Variants in GBE1 observed in about 807,000 individuals in gnomAD.
GBE1 encodes the protein 1,4-alpha-glucan branching enzyme 1.
In GBE1, 70 loss-of-function variants were observed where a neutral mutation model predicts 88.8. That is an observed-to-expected ratio of 0.79 (90% CI 0.65 to 0.96). The LOEUF is 0.96. GBE1 is among the 40% of genes least tolerant of loss of function. The probability of loss-of-function intolerance (pLI) is 0.00; values close to 1 mark genes in which losing one functional copy is unlikely to be tolerated. For missense variants in GBE1, 872 were observed against 871.0 expected, an observed-to-expected ratio of 1.00 and a Z score of -0.01; for synonymous variants, 284 against 300.1, an observed-to-expected ratio of 0.95 and a Z score of 0.56.
chr3:81,547,650 T>TCTCTCC (rs1703224936), intron 12 of GBE1, among the ~76,000 whole-genome samples: 1 of 150,394 alleles, frequency 6.6e-6, no homozygotes, highest in Non-Finnish European at 1.5e-5. Flanking sequence ...TCTCTCTCTC[T>TCTCTCC]CTCTCTCTCT....
intron 7 of GBE1, among the ~76,000 whole-genome samples, chr3:81,611,532 A>T (rs1704182788): frequency 1.3e-5 from 2 of 152,166 alleles, no homozygotes. Context: ...TGGTAGACAG[A>T]TTCTAAACTC....
intron 14 of GBE1, among the ~76,000 whole-genome samples, chr3:81,521,908 T>G (rs1702879174): frequency 6.6e-6 from 1 of 151,568 alleles, no homozygotes; most frequent in Non-Finnish European, 1.5e-5. Context: ...AAGGAAAATG[T>G]GATGGCTGCC....
chr3:81,552,593 G>A (rs553193223), intron 12 of GBE1, among the ~76,000 whole-genome samples: 6 of 147,454 alleles, frequency 4.1e-5, no homozygotes, highest in African/African-American at 1.5e-4. Flanking sequence ...CATCAGCAAT[G>A]TCCATAAGTG....
intron 1 of GBE1, among the ~76,000 whole-genome samples, chr3:81,736,288 T>C (rs1321692065): frequency 2.6e-5 from 4 of 152,198 alleles, no homozygotes; most frequent in African/African-American, 9.6e-5. Flanking sequence ...CCTGCACAGC[T>C]AGAAACGTTA....
Position 81,594,010 on chromosome 3 carries a change from T to A in GBE1, c.1006A>T (p.Arg336Ter). Residue 336 changes from arginine (R) to a stop codon, truncating the protein, a stop_gained, in exon 8 of 16, where the codon AGA becomes TGA. Transcript: ENST00000429644. LOFTEE classifies it high-confidence loss of function. ...CATCTTATGTTTGACAGAAGGAATC[T>A]TAAAATTTCCCAGCTAAAATATAAG... The part of the protein sequence containing the change: ...LFAYSSWEIL[R>*]FLLSNIRWWL... The A allele has an allele frequency of 2.6e-6, 4 of 1,522,674 alleles. No individual in the cohort carries two copies. Among genetic ancestry groups the A allele is most frequent in the Non-Finnish European group, 3.6e-6 (4 of 1,112,310 alleles). The allele number at this position is 1,522,674 out of a possible 1,614,324, so 94.3% of individuals were successfully genotyped here.
At position 81,593,906 on chromosome 3, in the gene GBE1, A is replaced by G. The variant is rs1183285612; in HGVS notation, c.1108+2T>C. 6.7e-7 allele frequency: 1 copy of G among 1,487,560 alleles called. No individual in the cohort carries two copies. The allele number at this position is 1,487,560 out of a possible 1,614,324, so 92.1% of individuals were successfully genotyped here. A position where few individuals can be genotyped will look rare whatever the true frequency, so the allele number is the denominator to read the frequency against. ...CAAACCTGATTATATCAGGTTACCT[A>G]CCCACTCCATGGTGATGATAAAGCA... On this transcript the variant is annotated splice_donor_variant, in intron 8 of 15. Transcript: ENST00000429644. LOFTEE classifies it high-confidence loss of function.
At chr3:81,616,855 C>A (rs1427061641) in intron 7 of GBE1, among the ~76,000 whole-genome samples, 1 of 151,820 alleles carries the variant, frequency 6.6e-6, no homozygotes, top group Non-Finnish European at 1.5e-5. Context: ...TTTAAATTTT[C>A]TTTTTTCATC....
intron 12 of GBE1, among the ~76,000 whole-genome samples, chr3:81,565,337 C>A (rs948570737): frequency 2.6e-5 from 4 of 152,156 alleles, no homozygotes; most frequent in African/African-American, 9.7e-5. Flanking sequence ...TTTTGTCTTT[C>A]TATAACTGCC....
At chr3:81,512,768 G>T (rs1257284879) in intron 14 of GBE1, among the ~76,000 whole-genome samples, 1 of 151,840 alleles carries the variant, frequency 6.6e-6, no homozygotes, top group Non-Finnish European at 1.5e-5. Flanking sequence ...CACTGGAGAT[G>T]ATGTGAGGAT....
chr3:81,696,618 G>A (rs537695380), intron 2 of GBE1, among the ~76,000 whole-genome samples: 2 of 152,172 alleles, frequency 1.3e-5, no homozygotes, highest in East Asian at 1.9e-4. Context: ...AGTAAATGGC[G>A]AGCTTAACAA....
intron 7 of GBE1, among the ~76,000 whole-genome samples, chr3:81,633,248 T>C (rs2107039592): frequency 6.6e-6 from 1 of 152,254 alleles, no homozygotes; most frequent in African/African-American, 2.4e-5. Flanking sequence ...CAATGACAAT[T>C]ATCACAACTA....
intron 7 of GBE1, chr3:81,612,290 T>A: frequency 1.3e-6 from 1 of 793,360 alleles, no homozygotes; most frequent in Non-Finnish European, 1.9e-6. Flanking sequence ...CCTGCTGGCT[T>A]TATTCTGCGT....
chr3:81,691,811 AC>A (rs765363208), intron 2 of GBE1, among the ~76,000 whole-genome samples: 1 of 152,116 alleles, frequency 6.6e-6, no homozygotes, highest in Admixed American at 6.5e-5. Flanking sequence ...ATAAAATAAT[AC>A]AGTTGAATCA....
intron 3 of GBE1, among the ~76,000 whole-genome samples, chr3:81,655,276 C>T (rs193030575): frequency 1.3e-5 from 2 of 152,136 alleles, no homozygotes; most frequent in East Asian, 3.9e-4. Context: ...GAACAACTGA[C>T]CTCAGGTGAT....
At chr3:81,629,762 A>T (rs941031129) in intron 7 of GBE1, among the ~76,000 whole-genome samples, 1 of 152,086 alleles carries the variant, frequency 6.6e-6, no homozygotes, top group African/African-American at 2.4e-5. Flanking sequence ...CATGTGCACA[A>T]CATGCAGGTT....
chr3:81,535,286 C>T lies in GBE1; in HGVS notation c.1843G>A (p.Ala615Thr), dbSNP rs768485124. The T allele has an allele frequency of 6.8e-6, 11 of 1,611,022 alleles. No individual in the cohort carries two copies. The South Asian group carries it at 1.2e-4, about 18-fold the overall frequency. Residue 615 changes from alanine to threonine, a missense_variant, in exon 14 of 16, where the codon GCT becomes ACT. Transcript: ENST00000429644. Reference sequence around the variant, plus strand: ...AAAAGAAGACCTGCTCTTTCAAAAGCAATGATCTTATTGCCTTCATGTTTT... The same window carrying T: ...AAAAGAAGACCTGCTCTTTCAAAAGTAATGATCTTATTGCCTTCATGTTTT... Reference protein sequence around the residue: ...SEKHEGNKIIAFERAGLLFIF... With the variant: ...SEKHEGNKIITFERAGLLFIF...
At chr3:81,701,685 A>G (rs1483472442) in intron 2 of GBE1, among the ~76,000 whole-genome samples, 1 of 152,122 alleles carries the variant, frequency 6.6e-6, no homozygotes, top group Non-Finnish European at 1.5e-5. Flanking sequence ...AGAGAGCTCA[A>G]CTGTGTTTTC....
chr3:81,661,215 G>A (rs1025517883), intron 3 of GBE1, among the ~76,000 whole-genome samples: 6 of 151,836 alleles, frequency 4.0e-5, no homozygotes, highest in African/African-American at 1.2e-4. Context: ...CCACATTGAA[G>A]GAAGAAAGAA....
chr3:81,570,750 C>T (rs1317744505), intron 12 of GBE1, among the ~76,000 whole-genome samples: 1 of 152,064 alleles, frequency 6.6e-6, no homozygotes, highest in Non-Finnish European at 1.5e-5. Context: ...CATGTGTATA[C>T]AGTATGTCTT....
Sources: gnomAD v4.1 joint callset for allele counts (sites outside exome capture counted in the v4.1 genomes callset) on GRCh38, gnomAD v4.1.1 for gene constraint, MANE v1.5 for transcripts, NCBI Gene and HGNC (gene_info 2026-07-23, HGNC 2026-07-21) for gene names.